The following MCM6 variants were observed in gnomAD, a reference collection of about 807,000 sequenced individuals.
MCM6 encodes the protein minichromosome maintenance complex component 6.
In MCM6, 46 loss-of-function variants were observed where a neutral mutation model predicts 94.3. The ratio of observed to expected loss-of-function variants is 0.49; its 90% CI spans 0.39 to 0.62. MCM6 has a LOEUF of 0.62. Ranked by LOEUF, MCM6 falls within the 20% of genes least tolerant of loss-of-function variation. The probability of loss-of-function intolerance (pLI) is 0.00; values close to 1 mark genes in which losing one functional copy is unlikely to be tolerated. For missense variants in MCM6, 865 were observed against 1,017.9 expected, an observed-to-expected ratio of 0.85 and a Z score of 2.04; for synonymous variants, 335 against 351.9, an observed-to-expected ratio of 0.95 and a Z score of 0.54.
At chr2:135,873,812 G>C (rs79225911) in intron 1 of MCM6, among the ~76,000 whole-genome samples, 1 of 150,054 alleles carries the variant, frequency 6.7e-6, no homozygotes, top group Non-Finnish European at 1.5e-5. Context: ...AAATGTGCTA[G>C]GGGAATAGAA....
Position 135,844,632 on chromosome 2 carries a change from C to T in MCM6, c.2262G>A (p.Lys754=). The change falls in exon 16 of 17, where the codon AAG becomes AAA. Residue 754 remains lysine, a synonymous_variant. Transcript: ENST00000264156. ...KRSELVNWYL[K]EIESEIDSEE... ...CAGAGTCTATCTCTGATTCGATTTC[C>T]TTCAAGTACCAGTTAACAAGCTCGC... is the stretch of plus-strand genomic sequence containing the variant. 6.3e-7 allele frequency: 1 copy of T among 1,590,176 alleles called. No individual in the cohort carries two copies. Among genetic ancestry groups the T allele is most frequent in the Non-Finnish European group, 8.5e-7 (1 of 1,170,428 alleles).
intron 14 of MCM6, among the ~76,000 whole-genome samples, chr2:135,846,721 C>A (rs931339303): frequency 6.6e-6 from 1 of 151,724 alleles, no homozygotes; most frequent in African/African-American, 2.4e-5. Context: ...CAAAATAAAC[C>A]GGCTAGGTGC....
chr2:135,866,724 C>T lies in MCM6; in HGVS notation c.620G>A (p.Arg207His), dbSNP rs765220170. The change falls in exon 5 of 17, where the codon CGT becomes CAT. Residue 207 changes from arginine to histidine, a missense_variant. Around this residue, in one of 3 missense-constraint regions of MCM6, gnomAD observed 404 missense variants for 451.9 expected, o/e 0.89. Coordinates refer to ENST00000264156, the MANE Select transcript of MCM6 (RefSeq NM_005915.6). ...KSRFVDFQKVRIQETQAELPR... is the reference protein window; with the variant it reads ...KSRFVDFQKVHIQETQAELPR... ...AAGCTCAGCTTGGGTCTCTTGAATA[C>T]GAACCTGTAATACAGACAAACAACC... 10 of 1,605,890 alleles carry T rather than the reference C, an allele frequency of 6.2e-6. No homozygotes were observed. The South Asian group carries it at 8.9e-5, about 14-fold the overall frequency.
intron 13 of MCM6, among the ~76,000 whole-genome samples, chr2:135,849,516 TA>T (rs919136697): frequency 6.6e-6 from 1 of 152,222 alleles, no homozygotes; most frequent in Non-Finnish European, 1.5e-5. Flanking sequence ...GTTATACTGA[TA>T]AAAAAATACC....
At position 135,844,691 on chromosome 2, in the gene MCM6, C is replaced by G; in HGVS notation, c.2210-7G>C. 1.3e-6 allele frequency: 2 copies of G among 1,528,310 alleles called. No homozygotes were observed. The highest frequency in any genetic ancestry group is 1.7e-6 in the Non-Finnish European group (2 of 1,146,112). The allele number at this position is 1,528,310 out of a possible 1,614,324, so 94.7% of individuals were successfully genotyped here. A position where few individuals can be genotyped will look rare whatever the true frequency, so the allele number is the denominator to read the frequency against. On this transcript the variant is annotated splice_polypyrimidine_tract_variant and splice_region_variant and intron_variant, in intron 15 of 16. Transcript: ENST00000264156. ...AATGCTGACTCGTCCTCTTCTGCAACAAAAAAACACATTCAAATTATCCTA... is the reference window on the plus strand; with the variant it reads ...AATGCTGACTCGTCCTCTTCTGCAAGAAAAAAACACATTCAAATTATCCTA...
rs1298502868 is a variant in MCM6, at chr2:135,848,072, C to T, written c.2034G>A (p.Glu678=). ...TCTCACCATTGATGCCACCAGCACC[C>T]TCATCTACCTCCATCTGGATCTCTT... ...QEEEIQMEVD[E]GAGGINGHAD... is the part of the protein sequence containing the mutation. Residue 678 remains glutamate (E), a synonymous_variant, in exon 14 of 17, where the codon GAG becomes GAA. Coordinates refer to ENST00000264156, the MANE Select transcript of MCM6 (RefSeq NM_005915.6). 1 of 1,611,160 alleles carries T rather than the reference C, an allele frequency of 6.2e-7. No homozygotes were observed. The highest frequency in any genetic ancestry group is 1.7e-5 in the Admixed American group (1 of 59,972).
At chr2:135,844,784 A>C in intron 15 of MCM6, 100 bp from the exon 16 acceptor site, 1 of 1,246,766 alleles carries the variant, frequency 8.0e-7, no homozygotes, top group Non-Finnish European at 1.1e-6. Context: ...TACAGATTAG[A>C]TAAATGTCAA....
Position 135,866,843 on chromosome 2 carries a change from C to T in MCM6, c.616-115G>A. The T allele has an allele frequency of 7.4e-6, 6 of 813,478 alleles. No individual in the cohort carries two copies. The South Asian group carries it at 1.1e-4, about 14-fold the overall frequency. 50.4% of individuals were successfully genotyped at this position (813,478 alleles called of 1,614,324 possible). A position where few individuals can be genotyped will look rare whatever the true frequency, so the allele number is the denominator to read the frequency against. On this transcript the variant is annotated intron_variant, in intron 4 of 16. Transcript: ENST00000264156. ...TATTCTAAACTATCTGACCCATTAGCAGACTTTTCACATGTACCAACATTT... is the reference window on the plus strand; with the variant it reads ...TATTCTAAACTATCTGACCCATTAGTAGACTTTTCACATGTACCAACATTT...
chr2:135,840,605 A>G lies in MCM6; in HGVS notation c.*230T>C, dbSNP rs779003323. On this transcript the variant is annotated 3_prime_UTR_variant, in exon 17 of 17. Coordinates refer to ENST00000264156, the MANE Select transcript of MCM6 (RefSeq NM_005915.6). Reference sequence around the variant, plus strand: ...AGAGACTACACATTATTTGGTTCCAACTTCACTGGGACAGGAAACACACCA... The same window carrying G: ...AGAGACTACACATTATTTGGTTCCAGCTTCACTGGGACAGGAAACACACCA... The G allele has an allele frequency of 9.8e-5, 48 of 490,626 alleles. No homozygotes were observed. Among genetic ancestry groups the G allele is most frequent in the Non-Finnish European group, 1.6e-4 (43 of 272,790 alleles). The allele number at this position is 490,626 out of a possible 1,614,324, so 30.4% of individuals were successfully genotyped here. A position where few individuals can be genotyped will look rare whatever the true frequency, so the allele number is the denominator to read the frequency against.
At chr2:135,844,424 A>C in intron 16 of MCM6, 121 bp downstream of exon 16, 2 of 770,608 alleles carry the variant, frequency 2.6e-6, no homozygotes, top group Non-Finnish European at 3.7e-6. Flanking sequence ...CATACTTCTG[A>C]CTACACTCCA....
chr2:135,872,074 AAAGT>A lies in MCM6; in HGVS notation c.254+619_254+622del, dbSNP rs759430751. Among the ~76,000 whole-genome samples, 66 of 152,340 alleles carry A rather than the reference AAAGT, an allele frequency of 4.3e-4. 1 individual carries two copies. The highest frequency in any genetic ancestry group is 1.3e-3 in the Admixed American group (20 of 15,310). Reference sequence around the variant, plus strand: ...GAAAAAGGATCAATGGAATGACACAAAAGTAAGTAAGTACAGTTTTCCTCTTGGG... The same window carrying A: ...GAAAAAGGATCAATGGAATGACACAAAAGTAAGTACAGTTTTCCTCTTGGG... On this transcript the variant is annotated intron_variant, in intron 2 of 16. Coordinates refer to ENST00000264156, the MANE Select transcript of MCM6 (RefSeq NM_005915.6).
chr2:135,852,091 T>C (rs1028843390), intron 12 of MCM6: 1 of 152,288 alleles, frequency 6.6e-6, no homozygotes, highest in African/African-American at 2.4e-5. Context: ...AGATGCTCTT[T>C]TTTACACAAG....
rs891326475 is a variant in MCM6, at chr2:135,852,799, C to G, written c.1743G>C (p.Gln581His). ...DIRRYLLFARQFKPKISKESE... is the reference protein window; with the variant it reads ...DIRRYLLFARHFKPKISKESE... ...AAGGGTAGGTTACCTTGGGTTTAAA[C>G]TGTCTTGCAAAGAGAAGATATCTTC... The change falls in exon 12 of 17, where the codon CAG becomes CAC. Residue 581 changes from glutamine (Q) to histidine (H), a missense_variant. By Grantham distance (24) the Gln-to-His change is conservative. Transcript: ENST00000264156. The G allele has an allele frequency of 3.8e-6, 6 of 1,591,020 alleles. No individual in the cohort carries two copies. Among genetic ancestry groups the G allele is most frequent in the Non-Finnish European group, 4.3e-6 (5 of 1,170,662 alleles).
At chr2:135,851,639 C>CT in intron 12 of MCM6, 76 bp from the exon 13 acceptor site, 1 of 1,299,956 alleles carries the variant, frequency 7.7e-7, no homozygotes, top group African/African-American at 1.5e-5. Flanking sequence ...GTTTAAGAGC[C>CT]TTCCAGGTGG....
At position 135,846,321 on chromosome 2, in the gene MCM6, G is replaced by A; in HGVS notation, c.2125C>T (p.Pro709Ser). Reference protein sequence around the residue: ...YNEDINQESAPKASLRLGFSE... With the variant: ...YNEDINQESASKASLRLGFSE... ...AAGCCCAGCCTTAAGGAGGCTTTGG[G>A]AGCAGACTCTTGATTTATGTCTTCA... The change falls in exon 15 of 17, where the codon CCC becomes TCC. Residue 709 changes from proline (P) to serine (S), a missense_variant. By Grantham distance (74) the Pro-to-Ser change is moderately conservative. Around this residue, in one of 3 missense-constraint regions of MCM6, gnomAD observed 308 missense variants for 324.5 expected, o/e 0.95. Transcript: ENST00000264156. 1 of 1,614,044 alleles carries A rather than the reference G, an allele frequency of 6.2e-7. No homozygotes were observed. Among genetic ancestry groups the A allele is most frequent in the Non-Finnish European group, 8.5e-7 (1 of 1,179,944 alleles).
intron 6 of MCM6, among the ~76,000 whole-genome samples, 186 bp from the exon 7 acceptor site, chr2:135,865,349 G>A (rs1419667521): frequency 6.6e-6 from 1 of 151,988 alleles, no homozygotes; most frequent in African/African-American, 2.4e-5. Context: ...GACACTTAAG[G>A]GTATGTCATT....
chr2:135,842,687 T>A (rs914691194), intron 16 of MCM6, among the ~76,000 whole-genome samples: 1 of 152,092 alleles, frequency 6.6e-6, no homozygotes. Flanking sequence ...TTTGAAGAGG[T>A]AACATTTGAG....
rs747888863 is a variant in MCM6 at position 135,866,664 on chromosome 2, A to G, written c.680T>C (p.Ile227Thr). The G allele has an allele frequency of 1.2e-6, 2 of 1,614,170 alleles. No homozygotes were observed. Among genetic ancestry groups the G allele is most frequent in the Non-Finnish European group, 1.7e-6 (2 of 1,180,032 alleles). The part of the protein sequence containing the change: ...RGSIPRSLEV[I>T]LRAEAVESAQ... The stretch of plus-strand genomic sequence containing the variant: ...TGATTCCACAGCTTCAGCCCTTAAA[A>G]TTACTTCTAAACTGCGGGGGATACT... Residue 227 changes from isoleucine (I) to threonine (T), a missense_variant, in exon 5 of 17, where the codon ATT (isoleucine) becomes ACT (threonine). This residue lies in a region of MCM6 where 404 missense variants were observed against 451.9 expected (regional missense o/e 0.89). Coordinates refer to ENST00000264156, the MANE Select transcript of MCM6 (RefSeq NM_005915.6).
At chr2:135,862,311 TGTATAAA>T (rs1169797641) in intron 8 of MCM6, among the ~76,000 whole-genome samples, 5 of 99,090 alleles carry the variant, frequency 5.0e-5, no homozygotes, top group African/African-American at 2.6e-4. Flanking sequence ...TAATAAAATT[TGTATAAA>T]ATTTTATACA....
Sources: allele counts gnomAD v4.1 joint callset (sites outside exome capture counted in the v4.1 genomes callset), GRCh38; gene constraint gnomAD v4.1.1; regional missense constraint gnomAD v4.1.1; transcripts MANE v1.5; gene names NCBI Gene and HGNC (gene_info 2026-07-23, HGNC 2026-07-21).